The following HPF1 variants were observed in gnomAD, a reference collection of about 807,000 sequenced individuals.
The protein encoded by HPF1 is histone PARylation factor 1.
Under a neutral mutation model 38.8 loss-of-function variants are expected in HPF1, and 35 were observed. The observed-to-expected ratio is 0.90, with a 90% CI of 0.69 to 1.19. HPF1 has a LOEUF of 1.19. Ranked by LOEUF, HPF1 falls within the 50% of genes most tolerant of loss-of-function variation. HPF1 has a pLI of 0.00. For synonymous variants in HPF1, 115 were observed against 139.2 expected (o/e 0.83, Z 1.22); for missense variants, 367 against 405.8 (o/e 0.90, Z 0.82).
Position 169,737,655 on chromosome 4 carries a change from A to T in HPF1, c.736+5T>A, listed in dbSNP as rs1293490394. Reference sequence around the variant, plus strand: ...TATGCACATGTTTACTATGAAATACATTACCATCTGTTTCAGGGAGCTCTC... The same window carrying T: ...TATGCACATGTTTACTATGAAATACTTTACCATCTGTTTCAGGGAGCTCTC... On this transcript the variant is annotated splice_donor_5th_base_variant and intron_variant, in intron 6 of 7. Coordinates refer to ENST00000393381, the MANE Select transcript of HPF1 (RefSeq NM_017867.3). The T allele has an allele frequency of 1.0e-5, 16 of 1,545,374 alleles. No individual in the cohort carries two copies. Among genetic ancestry groups the T allele is most frequent in the Non-Finnish European group, 1.4e-5 (16 of 1,117,532 alleles).
chr4:169,748,683 C>A (rs563269509), intron 4 of HPF1, 61 bp downstream of exon 4: 8 of 811,526 alleles, frequency 9.9e-6, no homozygotes, highest in Admixed American at 2.9e-5. Flanking sequence ...CTCAAACCCC[C>A]TTTGTAATGG....
intron 3 of HPF1, among the ~76,000 whole-genome samples, chr4:169,749,602 A>C (rs1734092874): frequency 6.6e-6 from 1 of 152,020 alleles, no homozygotes; most frequent in African/African-American, 2.4e-5. Context: ...TTTTAAAAAA[A>C]TTCAAACAAA....
chr4:169,753,247 G>A (rs757617037), intron 2 of HPF1, among the ~76,000 whole-genome samples: 3 of 151,758 alleles, frequency 2.0e-5, no homozygotes, highest in East Asian at 1.9e-4. Flanking sequence ...TTGCCCAGAC[G>A]GGTCTCGAAT....
At chr4:169,743,408 CCTTT>C (rs1734004418) in intron 4 of HPF1, among the ~76,000 whole-genome samples, 2 of 74,248 alleles carry the variant, frequency 2.7e-5, no homozygotes, top group East Asian at 4.0e-4. Flanking sequence ...CTGCCCCTGG[CCTTT>C]TTTTTTTTTT....
chr4:169,754,634 G>T lies in HPF1; in HGVS notation c.49-799C>A, dbSNP rs572370030. On this transcript the variant is annotated intron_variant, in intron 1 of 7. Coordinates refer to ENST00000393381, the MANE Select transcript of HPF1 (RefSeq NM_017867.3). ...TCTAAGCAGCAATCTGTTTTTCTAT[G>T]AACCTAGATTCTTTCTTTTTGGATT... Among the ~76,000 whole-genome samples, 115 of 151,864 alleles carry T rather than the reference G, an allele frequency of 7.6e-4. 1 individual carries two copies. The highest frequency in any genetic ancestry group is 2.7e-3 in the African/African-American group (111 of 41,396).
chr4:169,751,716 G>A (rs750386967), intron 2 of HPF1, among the ~76,000 whole-genome samples: 2 of 152,168 alleles, frequency 1.3e-5, no homozygotes, highest in Non-Finnish European at 2.9e-5. Context: ...CCTGGAAGAG[G>A]TAATAACATG....
chr4:169,732,663 A>T (rs1733844696), intron 6 of HPF1, among the ~76,000 whole-genome samples: 1 of 152,214 alleles, frequency 6.6e-6, no homozygotes, highest in Non-Finnish European at 1.5e-5. Flanking sequence ...AACATTTACT[A>T]TCTGGCTGTA....
chr4:169,732,530 G>C (rs1733843239), intron 6 of HPF1, among the ~76,000 whole-genome samples: 2 of 152,130 alleles, frequency 1.3e-5, no homozygotes, highest in Admixed American at 6.5e-5. Context: ...CCAGGAGTTG[G>C]CAAACTTTGG....
chr4:169,757,595 C>T (rs1734206034), intron 1 of HPF1, among the ~76,000 whole-genome samples: 1 of 152,182 alleles, frequency 6.6e-6, no homozygotes, highest in Middle Eastern at 3.2e-3. Flanking sequence ...TAATCCGTTT[C>T]CCCAGGAAAT....
intron 3 of HPF1, 190 bp downstream of exon 3, chr4:169,750,346 G>A: frequency 2.5e-6 from 1 of 392,160 alleles, no homozygotes; most frequent in East Asian, 3.8e-5. Context: ...AAAAACAAGT[G>A]AGATTAAACC....
intron 1 of HPF1, among the ~76,000 whole-genome samples, chr4:169,756,966 T>C (rs1484149824): frequency 6.6e-6 from 1 of 152,238 alleles, no homozygotes; most frequent in Non-Finnish European, 1.5e-5. Flanking sequence ...CCTATACCGA[T>C]GGCCCTTTAA....
intron 4 of HPF1, among the ~76,000 whole-genome samples, chr4:169,742,656 A>C (rs368750813): frequency 4.6e-5 from 7 of 152,072 alleles, no homozygotes; most frequent in East Asian, 3.9e-4. Context: ...GCCGGGCGTG[A>C]TGGCGGGCGC....
chr4:169,738,122 A>T (rs1733921674), intron 5 of HPF1, among the ~76,000 whole-genome samples: 1 of 152,204 alleles, frequency 6.6e-6, no homozygotes, highest in African/African-American at 2.4e-5. Flanking sequence ...TTCTAAAAGA[A>T]AAAGAGTAAG....
chr4:169,757,517 C>T (rs1248923039), intron 1 of HPF1, among the ~76,000 whole-genome samples: 2 of 152,166 alleles, frequency 1.3e-5, no homozygotes, highest in Admixed American at 6.5e-5. Flanking sequence ...CCGCAGCGCC[C>T]CACAGAATGT....
At chr4:169,750,241 A>G (rs1734100321) in intron 3 of HPF1, among the ~76,000 whole-genome samples, 1 of 152,214 alleles carries the variant, frequency 6.6e-6, no homozygotes, top group Non-Finnish European at 1.5e-5. Flanking sequence ...CCACTCTGGC[A>G]CACGGCTTAT....
chr4:169,731,956 G>C, intron 6 of HPF1, 80 bp from the exon 7 acceptor site: 1 of 1,238,460 alleles, frequency 8.1e-7, no homozygotes. Flanking sequence ...AGATTATAAA[G>C]AGGGTTTTTC....
At chr4:169,734,679 A>G (rs1261736240) in intron 6 of HPF1, among the ~76,000 whole-genome samples, 1 of 152,208 alleles carries the variant, frequency 6.6e-6, no homozygotes, top group Non-Finnish European at 1.5e-5. Context: ...AAAATACTCA[A>G]TTTAATGAGT....
At chr4:169,731,663 G>A in intron 7 of HPF1, 41 bp downstream of exon 7, 7 of 1,444,110 alleles carry the variant, frequency 4.8e-6, no homozygotes, top group Non-Finnish European at 6.4e-6. Flanking sequence ...AGAGGAGGGA[G>A]GTGTGGCAGT....
chr4:169,737,718 G>A lies in HPF1; in HGVS notation c.678C>T (p.Gly226=), dbSNP rs1225171278. The A allele has an allele frequency of 1.2e-6, 2 of 1,611,962 alleles. No individual in the cohort carries two copies. The highest frequency in any genetic ancestry group is 4.5e-5 in the East Asian group (2 of 44,832). ...CATTTTTATCTACTGGAACAACCAAGCCTGCACCATGAAAGGTCTTTGTCA... is the reference window on the plus strand; with the variant it reads ...CATTTTTATCTACTGGAACAACCAAACCTGCACCATGAAAGGTCTTTGTCA... ...KVVTKTFHGA[G]LVVPVDKNDV... Residue 226 remains glycine (G), a synonymous_variant, in exon 6 of 8, where the codon GGC becomes GGT. Transcript: ENST00000393381.
Sources: gnomAD v4.1 joint callset for allele counts (sites outside exome capture counted in the v4.1 genomes callset) on GRCh38, gnomAD v4.1.1 for gene constraint, MANE v1.5 for transcripts, NCBI Gene and HGNC (gene_info 2026-07-23, HGNC 2026-07-21) for gene names.